The following LINC00632 variants were observed in gnomAD, a reference collection of about 807,000 sequenced individuals.
The protein encoded by LINC00632 is ALDOA related specific transcript.
chrX:140,721,632 G>C (rs894876654), intron 2 of LINC00632, among the ~76,000 whole-genome samples: 3 of 110,282 alleles, frequency 2.7e-5, no homozygotes, highest in African/African-American at 9.9e-5. Context: ...GCAGGCCATG[G>C]AGTGGTACTG....
intron 2 of LINC00632, among the ~76,000 whole-genome samples, chrX:140,723,649 CACACACACAT>C (rs1259637012): frequency 7.2e-5 from 4 of 55,510 alleles, no homozygotes; most frequent in Admixed American, 3.7e-4. Context: ...ACATTCCATA[CACACACACAT>C]TCCATATACA....
chrX:140,746,083 T>G (rs1931323419), intron 3 of LINC00632, among the ~76,000 whole-genome samples: 1 of 112,263 alleles, frequency 8.9e-6, no homozygotes, highest in Admixed American at 9.5e-5. Context: ...TTTATTTGAT[T>G]AACAAACTGT....
chrX:140,726,190 C>A (rs1930958322), intron 2 of LINC00632, among the ~76,000 whole-genome samples: 1 of 111,242 alleles, frequency 9.0e-6, no homozygotes, highest in South Asian at 3.8e-4. Flanking sequence ...TTATGGCACC[C>A]ACACGTACCT....
chrX:140,771,469 A>G (rs1187205502), intron 3 of LINC00632, among the ~76,000 whole-genome samples: 1 of 107,378 alleles, frequency 9.3e-6, no homozygotes, highest in Non-Finnish European at 1.9e-5. Context: ...CAAAAATTAG[A>G]TACCTTGTGA....
At position 140,766,294 on chromosome X, in the gene LINC00632, C is replaced by T. The variant is rs751714096; in HGVS notation, n.192-5784C>T. Among the ~76,000 whole-genome samples, 11 of 111,767 alleles carry T rather than the reference C, an allele frequency of 9.8e-5. No individual in the cohort carries two copies. The South Asian group carries it at 3.0e-3, about 30-fold the overall frequency. ...CAGAGCTATTTAAAAAACTTCCATC[C>T]AGTAAGAAGTATGAACGATTTTCCA... On this transcript the variant is annotated intron_variant and non_coding_transcript_variant, in intron 3 of 4. Coordinates refer to ENST00000648200, the Ensembl canonical transcript of LINC00632.
intron 2 of LINC00632, among the ~76,000 whole-genome samples, chrX:140,731,045 G>A (rs998148784): frequency 1.2e-4 from 13 of 110,199 alleles, no homozygotes; most frequent in Non-Finnish European, 7.6e-5. Context: ...GGGATTACAG[G>A]TGCGTGCCAC....
intron 3 of LINC00632, among the ~76,000 whole-genome samples, chrX:140,771,410 T>A (rs1931788646): frequency 1.9e-5 from 2 of 107,483 alleles, no homozygotes; most frequent in Admixed American, 2.0e-4. Context: ...GGAAAAAGGA[T>A]AAGAACAAGT....
rs756629847 is a variant in LINC00632, at chrX:140,767,168, A to G, written n.192-4910A>G. ...TGTGTCATCTAGAGCAAGATTGCAT[A>G]GCTGTACATTTTGGGCTTTCCTGCT... is the stretch of plus-strand genomic sequence containing the variant. On this transcript the variant is annotated intron_variant and non_coding_transcript_variant, in intron 3 of 4. Transcript: ENST00000648200. Among the ~76,000 whole-genome samples the G allele has an allele frequency of 7.4e-4, 83 of 111,612 alleles. 1 individual carries two copies. Among genetic ancestry groups the G allele is most frequent in the African/African-American group, 2.5e-3 (77 of 30,772 alleles).
intron 3 of LINC00632, among the ~76,000 whole-genome samples, chrX:140,753,918 G>A (rs1267130352): frequency 2.7e-5 from 3 of 109,115 alleles, no homozygotes; most frequent in Non-Finnish European, 5.7e-5. Flanking sequence ...TGGGATTACA[G>A]GCGCACGCCA....
At chrX:140,787,627 A>G (rs1004213798) in exon 5 of LINC00632, among the ~76,000 whole-genome samples, 3 of 111,471 alleles carry the variant, frequency 2.7e-5, no homozygotes, top group Admixed American at 9.6e-5. Flanking sequence ...AATGTTCATC[A>G]CAGCAAAAAA....
chrX:140,722,833 T>C (rs1326455021), intron 2 of LINC00632, among the ~76,000 whole-genome samples: 1 of 111,136 alleles, frequency 9.0e-6, no homozygotes, highest in East Asian at 2.8e-4. Context: ...GCGGATCACC[T>C]GAGGTGGGGA....
At chrX:140,752,131 T>A (rs1256377340) in intron 3 of LINC00632, among the ~76,000 whole-genome samples, 2 of 111,834 alleles carry the variant, frequency 1.8e-5, no homozygotes, top group African/African-American at 6.5e-5. Context: ...TCAATTGGGC[T>A]GTTTAAAGCC....
rs775213912 is a variant in LINC00632, at chrX:140,728,460, C to A, written n.105-5418C>A. ...CCACAAAAAACCATGTGCCCCCCAA[C>A]ACCCAGAATTACCCCAGGACTCACA... On this transcript the variant is annotated intron_variant and non_coding_transcript_variant, in intron 2 of 4. Transcript: ENST00000648200. Among the ~76,000 whole-genome samples the A allele has an allele frequency of 4.6e-5, 5 of 109,526 alleles. No individual in the cohort carries two copies. In the Admixed American group the frequency reaches 4.9e-4, roughly 11 times the overall value.
intron 3 of LINC00632, among the ~76,000 whole-genome samples, chrX:140,768,645 ATTTATTATATATAATAAATC>A (rs1266270495): frequency 9.1e-5 from 3 of 33,096 alleles, no homozygotes; most frequent in Non-Finnish European, 3.0e-4. Context: ...TATATAATAT[ATTTATTATATATAATAAATC>A]TATAATAAAT....
intron 3 of LINC00632, among the ~76,000 whole-genome samples, chrX:140,770,919 C>G (rs903953732): frequency 2.7e-5 from 3 of 111,791 alleles, no homozygotes; most frequent in African/African-American, 9.8e-5. Flanking sequence ...ATTTTCCTCT[C>G]AAAGCTACAC....
chrX:140,718,883 A>G (rs1209267199), intron 2 of LINC00632, among the ~76,000 whole-genome samples: 1 of 111,956 alleles, frequency 8.9e-6, no homozygotes, highest in East Asian at 2.8e-4. Flanking sequence ...TCTATCATAC[A>G]CATACGTGCT....
chrX:140,776,617 GC>G (rs1346555122), exon 5 of LINC00632, among the ~76,000 whole-genome samples: 3 of 112,243 alleles, frequency 2.7e-5, no homozygotes, highest in Admixed American at 1.9e-4. Flanking sequence ...AGTCAGGATG[GC>G]GATTATTAAA....
intron 2 of LINC00632, among the ~76,000 whole-genome samples, chrX:140,731,333 C>G: frequency 8.9e-6 from 1 of 112,092 alleles, no homozygotes. Context: ...TAGAGGCAGA[C>G]TTGCCTGCTT....
chrX:140,715,877 A>T (rs1930618012), intron 2 of LINC00632, among the ~76,000 whole-genome samples: 1 of 111,233 alleles, frequency 9.0e-6, no homozygotes, highest in South Asian at 3.9e-4. Flanking sequence ...GAGCACTGAG[A>T]CTCACCCTAA....
Sources: gnomAD v4.1 joint callset for allele counts (sites outside exome capture counted in the v4.1 genomes callset) on GRCh38, gnomAD v4.1.1 for gene constraint, MANE v1.5 for transcripts, NCBI Gene and HGNC (gene_info 2026-07-23, HGNC 2026-07-21) for gene names.